ABHD6: variants seen among roughly 807,000 people sequenced by gnomAD.
The protein encoded by ABHD6 is monoacylglycerol lipase ABHD6.
In ABHD6, 33 loss-of-function variants were observed where a neutral mutation model predicts 38.8. The ratio of observed to expected loss-of-function variants is 0.85; its 90% CI spans 0.64 to 1.14. ABHD6 has a LOEUF of 1.14. Ranked by LOEUF, ABHD6 falls within the 50% of genes most tolerant of loss-of-function variation. The pLI is 0.00. For missense variants in ABHD6, 380 were observed against 422.6 expected, an observed-to-expected ratio of 0.90 and a Z score of 0.88; for synonymous variants, 147 against 161.6, an observed-to-expected ratio of 0.91 and a Z score of 0.69.
At chr3:58,280,996 T>C (rs1193582227) in intron 7 of ABHD6, among the ~76,000 whole-genome samples, 1 of 152,116 alleles carries the variant, frequency 6.6e-6, no homozygotes, top group African/African-American at 2.4e-5. Flanking sequence ...CCCGGCCGTA[T>C]GAGGTGTCAA....
rs1314168809 is a variant in ABHD6 at position 58,259,561 on chromosome 3, A to G, written c.119+2856A>G. Among the ~76,000 whole-genome samples, 1 of 152,150 alleles carries G rather than the reference A, an allele frequency of 6.6e-6. No homozygotes were observed. The highest frequency in any genetic ancestry group is 1.5e-5 in the Non-Finnish European group (1 of 68,020). On this transcript the variant is annotated intron_variant, in intron 3 of 9. Coordinates refer to ENST00000478253, the MANE Select transcript of ABHD6 (RefSeq NM_001320126.2). This position sits in a 1 kb window ranked among gnomAD's most constrained non-coding sequence, Gnocchi z 4.7. ...CCAGGCATGGTGGTACGTGCCTGTAATTCCAGCTACCTGGGAGGCTGAGGC... is the reference window on the plus strand; with the variant it reads ...CCAGGCATGGTGGTACGTGCCTGTAGTTCCAGCTACCTGGGAGGCTGAGGC...
At chr3:58,271,637 T>C (rs1053944752) in intron 6 of ABHD6, among the ~76,000 whole-genome samples, 1 of 152,058 alleles carries the variant, frequency 6.6e-6, no homozygotes, top group Non-Finnish European at 1.5e-5. Context: ...GTGTAACATG[T>C]TCTCCGATAT....
chr3:58,258,486 T>C (rs1480560408), intron 3 of ABHD6: 1 of 336,430 alleles, frequency 3.0e-6, no homozygotes, highest in Non-Finnish European at 6.1e-6. Context: ...AAAAAGAAAG[T>C]GACTTTCTCA....
intron 1 of ABHD6, among the ~76,000 whole-genome samples, chr3:58,243,963 C>G (rs988535829): frequency 6.6e-6 from 1 of 152,112 alleles, no homozygotes; most frequent in African/African-American, 2.4e-5. Context: ...GGCTGGGAAG[C>G]AGAAGTTTTC....
chr3:58,261,826 C>T (rs968071682), intron 3 of ABHD6, among the ~76,000 whole-genome samples: 3 of 152,134 alleles, frequency 2.0e-5, no homozygotes, highest in Non-Finnish European at 2.9e-5. Flanking sequence ...AACGTAACAT[C>T]CAGCAATTCT....
intron 1 of ABHD6, among the ~76,000 whole-genome samples, chr3:58,243,380 A>G (rs2097424163): frequency 6.6e-6 from 1 of 152,168 alleles, no homozygotes; most frequent in African/African-American, 2.4e-5. Context: ...AAGTGTCTTG[A>G]GAGAGAAGTG....
intron 1 of ABHD6, among the ~76,000 whole-genome samples, chr3:58,240,365 C>T (rs539946372): frequency 2.1e-4 from 32 of 151,884 alleles, no homozygotes; most frequent in African/African-American, 5.6e-4. Flanking sequence ...AGGTGTGCAC[C>T]ACCACACCTG....
intron 2 of ABHD6, among the ~76,000 whole-genome samples, chr3:58,254,366 G>A (rs1003466704): frequency 3.3e-5 from 5 of 152,156 alleles, no homozygotes; most frequent in African/African-American, 1.2e-4. Flanking sequence ...ATACTCATTC[G>A]TTACATGTCT....
At chr3:58,245,847 A>C (rs1217019795) in intron 1 of ABHD6, among the ~76,000 whole-genome samples, 2 of 151,830 alleles carry the variant, frequency 1.3e-5, no homozygotes, top group Non-Finnish European at 2.9e-5. Context: ...AAGAACAAAA[A>C]AAGAAAGGCA....
In ABHD6 at chr3:58,267,384, GTTGGGT is replaced by G; in HGVS notation, c.276+40_276+45del. On this transcript the variant is annotated intron_variant, in intron 4 of 9. Transcript: ENST00000478253. The surrounding 1 kb of genome is among the most constrained non-coding windows in gnomAD (Gnocchi z 4.3). ...TTCTTCTCTCTTATAAGAAAAGGGA[GTTGGGT>G]GCTGTGGCTCATGCCTATAATCCCA... The G allele has an allele frequency of 6.2e-7, 1 of 1,610,776 alleles. No homozygotes were observed. Among genetic ancestry groups the G allele is most frequent in the South Asian group, 1.1e-5 (1 of 90,754 alleles).
At chr3:58,274,623 T>C in intron 6 of ABHD6, 35 bp from the exon 7 acceptor site, 1 of 1,601,450 alleles carries the variant, frequency 6.2e-7, no homozygotes, top group Non-Finnish European at 8.5e-7. Flanking sequence ...AGAAGGTGGA[T>C]GTATCATCAA....
chr3:58,274,517 A>G (rs2097447343), intron 6 of ABHD6, 141 bp from the exon 7 acceptor site: 1 of 823,710 alleles, frequency 1.2e-6, no homozygotes, highest in East Asian at 2.7e-5. Context: ...CAAGGATGGC[A>G]GTACCAACAA....
At chr3:58,275,760 G>A (rs1208810548) in intron 7 of ABHD6, among the ~76,000 whole-genome samples, 6 of 151,988 alleles carry the variant, frequency 3.9e-5, no homozygotes, top group African/African-American at 4.8e-5. Context: ...CACCATTCAC[G>A]TTAGGTATTT....
At position 58,294,013 on chromosome 3, in the gene ABHD6, T is replaced by C. The variant is rs2097465495; in HGVS notation, c.*248T>C. On this transcript the variant is annotated 3_prime_UTR_variant, in exon 10 of 10. Coordinates refer to ENST00000478253, the MANE Select transcript of ABHD6 (RefSeq NM_001320126.2). ...AATAAGAAACCCCAGCCATGAAATC[T>C]ACCATGAAGTCTTCAAGTTCATGTC... The C allele has an allele frequency of 1.1e-5, 4 of 376,656 alleles. No homozygotes were observed. Among genetic ancestry groups the C allele is most frequent in the Non-Finnish European group, 1.9e-5 (4 of 211,274 alleles). The allele number at this position is 376,656 out of a possible 1,614,324, so 23.3% of individuals were successfully genotyped here. A position where few individuals can be genotyped will look rare whatever the true frequency, so the allele number is the denominator to read the frequency against.
chr3:58,285,829 A>G lies in ABHD6; in HGVS notation c.837+376A>G, dbSNP rs2097456460. ...AGGCAACTCTTATCTTACTATCTTG[A>G]ATATATTTCTTTTCTTTTTTTCGTT... On this transcript the variant is annotated intron_variant, in intron 9 of 9. Coordinates refer to ENST00000478253, the MANE Select transcript of ABHD6 (RefSeq NM_001320126.2). This position sits in a 1 kb window ranked among gnomAD's most constrained non-coding sequence, Gnocchi z 4.9. 6.6e-6 allele frequency among the ~76,000 whole-genome samples: 1 copy of G among 151,950 alleles called. No individual in the cohort carries two copies. The highest frequency in any genetic ancestry group is 2.4e-5 in the African/African-American group (1 of 41,372).
chr3:58,239,433 T>C (rs1337264150), intron 1 of ABHD6, among the ~76,000 whole-genome samples: 1 of 152,176 alleles, frequency 6.6e-6, no homozygotes, highest in Non-Finnish European at 1.5e-5. Context: ...AAAAAAATAA[T>C]TAATAAATGG....
At chr3:58,292,482 G>A (rs998229891) in intron 9 of ABHD6, among the ~76,000 whole-genome samples, 1 of 152,180 alleles carries the variant, frequency 6.6e-6, no homozygotes, top group African/African-American at 2.4e-5. Context: ...TGGGAACCCA[G>A]AGGAAAAGGA....
chr3:58,245,886 T>TGGG (rs2107417166), intron 1 of ABHD6, among the ~76,000 whole-genome samples: 1 of 152,304 alleles, frequency 6.6e-6, no homozygotes, highest in Non-Finnish European at 1.5e-5. Context: ...CTGCTTTTCC[T>TGGG]CTTATTTAAA....
intron 1 of ABHD6, among the ~76,000 whole-genome samples, chr3:58,244,628 G>C (rs2097425034): frequency 6.6e-6 from 1 of 152,036 alleles, no homozygotes; most frequent in Admixed American, 6.6e-5. Context: ...GCTGGGCGTG[G>C]TGGTGCATGC....
Sources: allele counts gnomAD v4.1 joint callset (sites outside exome capture counted in the v4.1 genomes callset), GRCh38; gene constraint gnomAD v4.1.1; non-coding constraint Gnocchi (gnomAD v3.1); transcripts MANE v1.5; gene names NCBI Gene and HGNC (gene_info 2026-07-23, HGNC 2026-07-21).